The following SASH1 variants were observed in gnomAD, a reference collection of about 807,000 sequenced individuals.
SASH1 encodes the protein SAM and SH3 domain-containing protein 1.
SASH1 carries 44 observed loss-of-function variants against 125.2 expected under a neutral mutation model. The ratio of observed to expected loss-of-function variants is 0.35; its 90% CI spans 0.28 to 0.45. The LOEUF (loss-of-function observed/expected upper bound fraction) is 0.45, where lower values mean the gene tolerates loss of function less well. Ranked by LOEUF, SASH1 falls within the 20% of genes least tolerant of loss-of-function variation. SASH1 has a pLI of 1.00. For missense variants in SASH1, 1,426 were observed against 1,614.5 expected (o/e 0.88, Z 2.00); for synonymous variants, 639 against 649.1 (o/e 0.98, Z 0.24).
At chr6:148,285,893 T>C (rs1285956531) in intron 1 of SASH1, among the ~76,000 whole-genome samples, 1 of 152,138 alleles carries the variant, frequency 6.6e-6, no homozygotes, top group Non-Finnish European at 1.5e-5. Flanking sequence ...CTGAAGTCTC[T>C]GGTTGCTTGC....
intron 7 of SASH1, among the ~76,000 whole-genome samples, chr6:148,484,701 G>C (rs1408514582): frequency 6.6e-6 from 1 of 152,078 alleles, no homozygotes; most frequent in Non-Finnish European, 1.5e-5. Context: ...AGCACTTTGA[G>C]AGGCCAAGGC....
chr6:148,288,998 T>C (rs1014668672), intron 1 of SASH1, among the ~76,000 whole-genome samples: 1 of 151,368 alleles, frequency 6.6e-6, no homozygotes, highest in Non-Finnish European at 1.5e-5. Context: ...TCTTTTTTTC[T>C]TTCTTTTTTT....
chr6:148,520,124 C>T (rs1403030540), intron 10 of SASH1: 9 of 526,264 alleles, frequency 1.7e-5, no homozygotes, highest in Admixed American at 6.6e-5. Flanking sequence ...GCGGGAGCTG[C>T]GGCTTCCCCG....
intron 1 of SASH1, among the ~76,000 whole-genome samples, chr6:148,387,604 CTTT>C (rs1562371064): frequency 1.3e-4 from 2 of 15,766 alleles, no homozygotes; most frequent in African/African-American, 3.5e-4. Context: ...TTCTTTCTTT[CTTT>C]CTTTCTTTCT....
rs1383511801 is a variant in SASH1, at chr6:148,550,171, T to C, written c.*1613T>C. ...CTAGCAAACAGTAAATTTAAACAAG[T>C]AAACTATTATGGTTTCCATTGCTTA... On this transcript the variant is annotated 3_prime_UTR_variant, in exon 20 of 20. Transcript: ENST00000367467. The C allele has an allele frequency of 6.6e-6, 1 of 152,216 alleles. No individual in the cohort carries two copies. Among genetic ancestry groups the C allele is most frequent in the African/African-American group, 2.4e-5 (1 of 41,452 alleles). 9.4% of individuals were successfully genotyped at this position (152,216 alleles called of 1,614,324 possible).
chr6:148,245,035 A>G, the SASH1 span, among the ~76,000 whole-genome samples: 11,303 of 151,716 alleles, frequency 0.075, 493 homozygotes, highest in African/African-American at 0.11. Context: ...TCCACATTCC[A>G]TTACCCCATG....
At chr6:148,270,775 C>G (rs1349225503), upstream of SASH1, among the ~76,000 whole-genome samples, 1 of 152,128 alleles carries the variant, frequency 6.6e-6, no homozygotes, top group Non-Finnish European at 1.5e-5. Context: ...TAGATATCTT[C>G]AACCTAATTC....
intron 8 of SASH1, among the ~76,000 whole-genome samples, chr6:148,510,528 C>T (rs1218072710): frequency 2.0e-5 from 3 of 152,130 alleles, no homozygotes; most frequent in Non-Finnish European, 2.9e-5. Context: ...TTCTTAGAAT[C>T]AGTCATTTAT....
At chr6:148,534,034 C>A in intron 15 of SASH1, 54 bp downstream of exon 15, 1 of 1,546,854 alleles carries the variant, frequency 6.5e-7, no homozygotes, top group Non-Finnish European at 8.9e-7. Context: ...CTTTTTCTCT[C>A]CTACACTAAG....
chr6:148,318,413 G>T (rs527298234), intron 1 of SASH1, among the ~76,000 whole-genome samples: 1 of 152,224 alleles, frequency 6.6e-6, no homozygotes, highest in South Asian at 2.1e-4. Flanking sequence ...TCATCTGAAT[G>T]CATCAACAGC....
intron 4 of SASH1, among the ~76,000 whole-genome samples, chr6:148,465,285 C>T (rs1163200317): frequency 6.6e-6 from 1 of 152,154 alleles, no homozygotes; most frequent in Non-Finnish European, 1.5e-5. Context: ...GTCACGGTGG[C>T]TCATGCCTGC....
intron 7 of SASH1, among the ~76,000 whole-genome samples, chr6:148,476,793 A>G (rs1008682868): frequency 2.0e-5 from 3 of 152,224 alleles, no homozygotes; most frequent in African/African-American, 4.8e-5. Flanking sequence ...TGGGGGAATA[A>G]CATTAACTGA....
Position 148,549,605 on chromosome 6 carries a change from T to G in SASH1, c.*1047T>G. On this transcript the variant is annotated 3_prime_UTR_variant, in exon 20 of 20. Transcript: ENST00000367467. Reference sequence around the variant, plus strand: ...TGTGAGGCTGCATATTTCAGAAAGATGTCCTTAATAAGGGAAGTCATGTAT... The same window carrying G: ...TGTGAGGCTGCATATTTCAGAAAGAGGTCCTTAATAAGGGAAGTCATGTAT... 1 of 399,012 alleles carries G rather than the reference T, an allele frequency of 2.5e-6. No homozygotes were observed. 24.7% of individuals were successfully genotyped at this position (399,012 alleles called of 1,614,324 possible). A position where few individuals can be genotyped will look rare whatever the true frequency, so the allele number is the denominator to read the frequency against.
At position 148,421,146 on chromosome 6, in the gene SASH1, GAAGAAAGAAAGAAAGAAAGA is replaced by G. The variant is rs751049278; in HGVS notation, c.286-18987_286-18968del. 6.1e-3 allele frequency among the ~76,000 whole-genome samples: 436 copies of G among 71,232 alleles called. 6 individuals are homozygous for G. Among genetic ancestry groups the G allele is most frequent in the African/African-American group, 0.015 (304 of 20,338 alleles). The allele number at this position is 71,232 out of a possible 152,430, so 46.7% of individuals were successfully genotyped here. ...GGAAGAAAGGAAGGAAGGAAGGAAG[GAAGAAAGAAAGAAAGAAAGA>G]AAGAAAGAAAGAAAGAAAGAAAGAA... is the stretch of plus-strand genomic sequence containing the variant. On this transcript the variant is annotated intron_variant, in intron 2 of 19. Transcript: ENST00000367467.
intron 2 of SASH1, among the ~76,000 whole-genome samples, chr6:148,408,367 G>A (rs1366419731): frequency 1.3e-5 from 2 of 151,098 alleles, no homozygotes; most frequent in African/African-American, 2.4e-5. Context: ...CAGCCTCCCA[G>A]AGTGCTGGGA....
At chr6:148,508,372 A>G (rs1779924264) in intron 8 of SASH1, 1 of 566,724 alleles carries the variant, frequency 1.8e-6, no homozygotes, top group Non-Finnish European at 2.2e-6. Context: ...AGTCACTTTT[A>G]AGGGTTAGTC....
chr6:148,275,038 G>A (rs1291375212), intron 1 of SASH1, among the ~76,000 whole-genome samples: 1 of 152,152 alleles, frequency 6.6e-6, no homozygotes, highest in East Asian at 1.9e-4. Context: ...TGGCTCTTCA[G>A]AAGTTTTGTA....
chr6:148,316,903 C>G (rs1780492572), intron 1 of SASH1, among the ~76,000 whole-genome samples: 1 of 152,138 alleles, frequency 6.6e-6, no homozygotes, highest in African/African-American at 2.4e-5. Context: ...AGCTCTTTGT[C>G]ATATATGAGC....
chr6:148,406,818 C>T (rs995816867), intron 2 of SASH1, among the ~76,000 whole-genome samples: 1 of 149,094 alleles, frequency 6.7e-6, no homozygotes, highest in African/African-American at 2.5e-5. Context: ...AAGGGAGGAA[C>T]AGAGAGGATC....
Sources: allele counts gnomAD v4.1 joint callset (sites outside exome capture counted in the v4.1 genomes callset), GRCh38; gene constraint gnomAD v4.1.1; transcripts MANE v1.5; gene names NCBI Gene and HGNC (gene_info 2026-07-23, HGNC 2026-07-21).